Variants in ALDOB observed in about 807,000 individuals in gnomAD.
The protein encoded by ALDOB is fructose-bisphosphate aldolase B.
A neutral mutation model predicts 41.0 loss-of-function variants in ALDOB; 39 were observed. The ratio of observed to expected loss-of-function variants is 0.95; its 90% CI spans 0.74 to 1.24. The LOEUF is 1.24. Among genes scored for constraint, ALDOB ranks in the 50% most tolerant of loss-of-function variants. The pLI is 0.00. For synonymous variants in ALDOB, 175 were observed against 168.8 expected (o/e 1.04, Z -0.28); for missense variants, 530 against 457.3 (o/e 1.16, Z -1.45).
At chr9:101,431,520 G>T (rs905695011) in intron 1 of ALDOB, among the ~76,000 whole-genome samples, 5 of 152,194 alleles carry the variant, frequency 3.3e-5, no homozygotes, top group Non-Finnish European at 7.3e-5. Context: ...TTTCCTAAGT[G>T]CCTCTGGGCT....
In ALDOB at chr9:101,420,657, T is replaced by A. The variant is rs910379538; in HGVS notation, c.*1152A>T. 6.6e-6 allele frequency: 1 copy of A among 152,212 alleles called. No homozygotes were observed. The highest frequency in any genetic ancestry group is 2.4e-5 in the African/African-American group (1 of 41,448). 9.4% of individuals were successfully genotyped at this position (152,212 alleles called of 1,614,324 possible). ...TTACTTAAATAGAATTAAAGCACTA[T>A]TTCTTAACCCATCAGTTTTAAGTAG... On this transcript the variant is annotated 3_prime_UTR_variant, in exon 9 of 9. Coordinates refer to ENST00000647789, the MANE Select transcript of ALDOB (RefSeq NM_000035.4).
chr9:101,424,824 A>T lies in ALDOB; in HGVS notation c.999+19T>A, dbSNP rs1374846654. The stretch of plus-strand genomic sequence containing the variant: ...AAATGTGAACATCATCAAGTAGATA[A>T]GAGGTGGCAGCATCTTACCATGGCC... On this transcript the variant is annotated intron_variant, in intron 8 of 8. Coordinates refer to ENST00000647789, the MANE Select transcript of ALDOB (RefSeq NM_000035.4). 1 of 1,612,078 alleles carries T rather than the reference A, an allele frequency of 6.2e-7. No homozygotes were observed. Among genetic ancestry groups the T allele is most frequent in the East Asian group, 2.2e-5 (1 of 44,892 alleles).
intron 8 of ALDOB, among the ~76,000 whole-genome samples, chr9:101,422,437 TC>T (rs1831062786): frequency 6.6e-6 from 1 of 152,240 alleles, no homozygotes; most frequent in Non-Finnish European, 1.5e-5. Flanking sequence ...TTGTCTGTTC[TC>T]TCCAGGACTT....
chr9:101,425,367 A>C, intron 7 of ALDOB, 86 bp downstream of exon 7: 1 of 1,503,492 alleles, frequency 6.7e-7, no homozygotes, highest in Non-Finnish European at 9.2e-7. Context: ...CATGAATAGA[A>C]GCAGATTTCT....
At chr9:101,432,417 G>A (rs1436229611) in intron 1 of ALDOB, among the ~76,000 whole-genome samples, 2 of 152,118 alleles carry the variant, frequency 1.3e-5, no homozygotes, top group Non-Finnish European at 2.9e-5. Context: ...CTTTGGACCT[G>A]GCCTCCAGAT....
rs776649110 is a variant in ALDOB at position 101,425,492 on chromosome 9, C to T, written c.760G>A (p.Val254Ile). ...GGAACAGTACGGTGGAGAGCTGTTA[C>T]GGTGGCCATAGCTACTTGTTCTGGA... The part of the protein sequence containing the change: ...YTPEQVAMAT[V>I]TALHRTVPAA... The change falls in exon 7 of 9, where the codon GTA becomes ATA. Residue 254 changes from valine to isoleucine, a missense_variant. Physicochemically the swap from Val to Ile is conservative, Grantham distance 29. Coordinates refer to ENST00000647789, the MANE Select transcript of ALDOB (RefSeq NM_000035.4). 1.0e-4 allele frequency: 169 copies of T among 1,614,012 alleles called. No homozygotes were observed. The highest frequency in any genetic ancestry group is 1.4e-4 in the Non-Finnish European group (165 of 1,180,022).
Position 101,421,736 on chromosome 9 carries a change from G to T in ALDOB, c.*73C>A. The T allele has an allele frequency of 1.7e-6, 2 of 1,189,864 alleles. No homozygotes were observed. Among genetic ancestry groups the T allele is most frequent in the Non-Finnish European group, 2.5e-6 (2 of 799,032 alleles). The allele number at this position is 1,189,864 out of a possible 1,614,324, so 73.7% of individuals were successfully genotyped here. ...AAATCTAATTGTGTCGAATTTCCAGGATTGGAGGAAAAGTTGCTCCCTTTC... is the reference window on the plus strand; with the variant it reads ...AAATCTAATTGTGTCGAATTTCCAGTATTGGAGGAAAAGTTGCTCCCTTTC... On this transcript the variant is annotated 3_prime_UTR_variant, in exon 9 of 9. Transcript: ENST00000647789.
At position 101,421,849 on chromosome 9, in the gene ALDOB, G is replaced by A; in HGVS notation, c.1055C>T (p.Ala352Val). The A allele has an allele frequency of 6.2e-7, 1 of 1,614,100 alleles. No individual in the cohort carries two copies. Among genetic ancestry groups the A allele is most frequent in the Non-Finnish European group, 8.5e-7 (1 of 1,180,006 alleles). Residue 352 changes from alanine to valine, a missense_variant, in exon 9 of 9, where the codon GCT becomes GTT. By Grantham distance (64) the Ala-to-Val change is moderately conservative. Coordinates refer to ENST00000647789, the MANE Select transcript of ALDOB (RefSeq NM_000035.4). ...QYVHTGSSGA[A>V]STQSLFTACY... ...GGCTGTGAAGAGCGACTGGGTGGAA[G>A]CAGCCCCAGAAGAACCCGTGTGAAC...
Position 101,421,615 on chromosome 9 carries a change from A to T in ALDOB, c.*194T>A, listed in dbSNP as rs1437956045. 4.6e-6 allele frequency: 3 copies of T among 654,326 alleles called. No individual in the cohort carries two copies. The highest frequency in any genetic ancestry group is 2.8e-5 in the East Asian group (1 of 35,554). The allele number at this position is 654,326 out of a possible 1,614,324, so 40.5% of individuals were successfully genotyped here. A position where few individuals can be genotyped will look rare whatever the true frequency, so the allele number is the denominator to read the frequency against. On this transcript the variant is annotated 3_prime_UTR_variant, in exon 9 of 9. Transcript: ENST00000647789. Reference sequence around the variant, plus strand: ...CAAGGAAACTGCTGTGTGAAATTTGATCAGGTCCTTGGTATTCATTTTTAT... The same window carrying T: ...CAAGGAAACTGCTGTGTGAAATTTGTTCAGGTCCTTGGTATTCATTTTTAT...
At chr9:101,430,069 CTT>C (rs1831195676) in intron 2 of ALDOB, 103 bp from the exon 3 acceptor site, 3 of 1,075,838 alleles carry the variant, frequency 2.8e-6, no homozygotes, top group Non-Finnish European at 4.3e-6. Flanking sequence ...GAAAGCAAGA[CTT>C]TCTTTTTTCA....
At chr9:101,434,399 C>G (rs1315079143) in intron 1 of ALDOB, among the ~76,000 whole-genome samples, 1 of 152,170 alleles carries the variant, frequency 6.6e-6, no homozygotes, top group Non-Finnish European at 1.5e-5. Flanking sequence ...TTTCTGCCTT[C>G]CTTGAAGATG....
chr9:101,424,825 G>A lies in ALDOB; in HGVS notation c.999+18C>T, dbSNP rs774203882. On this transcript the variant is annotated intron_variant, in intron 8 of 8. Coordinates refer to ENST00000647789, the MANE Select transcript of ALDOB (RefSeq NM_000035.4). ...AATGTGAACATCATCAAGTAGATAA[G>A]AGGTGGCAGCATCTTACCATGGCCC... 2.4e-5 allele frequency: 39 copies of A among 1,612,136 alleles called. No homozygotes were observed. The highest frequency in any genetic ancestry group is 3.1e-5 in the Non-Finnish European group (36 of 1,179,802).
chr9:101,432,734 A>G (rs1054105986), intron 1 of ALDOB, among the ~76,000 whole-genome samples: 3 of 152,184 alleles, frequency 2.0e-5, no homozygotes, highest in Admixed American at 2.0e-4. Flanking sequence ...AGTGTAAATT[A>G]TTTATCCAAG....
chr9:101,426,558 C>T lies in ALDOB; in HGVS notation c.621G>A (p.Glu207=), dbSNP rs765681180. Residue 207 remains glutamate, a synonymous_variant, in exon 6 of 9, where the codon GAG becomes GAA. Transcript: ENST00000647789. ...GGCCTTCATATTTAAAACTTACCTT[C>T]TCAGTAACATACTGGCAGTGTTCCA... ...HDLEHCQYVT[E]KVLAAVYKAL... 2 of 1,606,964 alleles carry T rather than the reference C, an allele frequency of 1.2e-6. No individual in the cohort carries two copies. Among genetic ancestry groups the T allele is most frequent in the Non-Finnish European group, 1.7e-6 (2 of 1,173,516 alleles).
In ALDOB at chr9:101,421,763, G is replaced by T; in HGVS notation, c.*46C>A. On this transcript the variant is annotated 3_prime_UTR_variant, in exon 9 of 9. Coordinates refer to ENST00000647789, the MANE Select transcript of ALDOB (RefSeq NM_000035.4). ...TTGGAGGAAAAGTTGCTCCCTTTCA[G>T]CCCTCCTACTAGAAGCACTGGAGCT... The T allele has an allele frequency of 6.5e-7, 1 of 1,530,214 alleles. No homozygotes were observed. The highest frequency in any genetic ancestry group is 9.1e-7 in the Non-Finnish European group (1 of 1,104,760). 94.8% of individuals were successfully genotyped at this position (1,530,214 alleles called of 1,614,324 possible). A position where few individuals can be genotyped will look rare whatever the true frequency, so the allele number is the denominator to read the frequency against.
chr9:101,432,214 C>T lies in ALDOB; in HGVS notation c.-10-1317G>A, dbSNP rs756282435. 1.1e-3 allele frequency among the ~76,000 whole-genome samples: 170 copies of T among 152,300 alleles called. 4 individuals are homozygous for T. In the Middle Eastern group the frequency reaches 0.014, roughly 12 times the overall value. On this transcript the variant is annotated intron_variant, in intron 1 of 8. Transcript: ENST00000647789. Reference sequence around the variant, plus strand: ...ACTGATGATCTCATTGTTGCCTCTCCATTTCAACAGAGGTTCTTGTCTTAC... The same window carrying T: ...ACTGATGATCTCATTGTTGCCTCTCTATTTCAACAGAGGTTCTTGTCTTAC...
At chr9:101,422,524 A>G (rs1287749924) in intron 8 of ALDOB, among the ~76,000 whole-genome samples, 1 of 152,222 alleles carries the variant, frequency 6.6e-6, no homozygotes, top group East Asian at 1.9e-4. Flanking sequence ...CATGTTAAAA[A>G]TAGAAATTCC....
intron 8 of ALDOB, among the ~76,000 whole-genome samples, chr9:101,422,652 C>T (rs1181055214): frequency 6.6e-6 from 1 of 151,984 alleles, no homozygotes; most frequent in Admixed American, 6.6e-5. Flanking sequence ...GTAATGGGTA[C>T]AAAAATACAG....
At chr9:101,424,015 G>A (rs1044000800) in intron 8 of ALDOB, among the ~76,000 whole-genome samples, 1 of 152,020 alleles carries the variant, frequency 6.6e-6, no homozygotes, top group Admixed American at 6.6e-5. Context: ...CCTCTTTATT[G>A]AAACTGTTTC....
Sources: gnomAD v4.1 joint callset for allele counts (sites outside exome capture counted in the v4.1 genomes callset) on GRCh38, gnomAD v4.1.1 for gene constraint, MANE v1.5 for transcripts, NCBI Gene and HGNC (gene_info 2026-07-23, HGNC 2026-07-21) for gene names.